Variants in ARID4B observed in about 807,000 individuals in gnomAD.
ARID4B encodes the protein AT-rich interactive domain-containing protein 4B.
A neutral mutation model predicts 147.5 loss-of-function variants in ARID4B; 26 were observed. The ratio of observed to expected loss-of-function variants is 0.18; its 90% CI spans 0.13 to 0.24. The LOEUF (loss-of-function observed/expected upper bound fraction) is 0.24. Among genes scored for constraint, ARID4B ranks in the 10% least tolerant of loss-of-function variants. The pLI is 1.00. For synonymous variants in ARID4B, 512 were observed against 507.9 expected (o/e 1.01, Z -0.11); for missense variants, 1,179 against 1,511.5 (o/e 0.78, Z 3.65).
intron 2 of ARID4B, among the ~76,000 whole-genome samples, chr1:235,276,288 G>C (rs753837170): frequency 6.7e-6 from 1 of 150,170 alleles, no homozygotes; most frequent in Non-Finnish European, 1.5e-5. Context: ...ACGCTAATTA[G>C]TAGCATTAGC....
chr1:235,283,630 A>G (rs1671797631), intron 2 of ARID4B, among the ~76,000 whole-genome samples: 1 of 152,118 alleles, frequency 6.6e-6, no homozygotes, highest in South Asian at 2.1e-4. Context: ...ATTAAGTACT[A>G]TTATTTAACA....
At chr1:235,315,797 C>G (rs1473542609) in intron 2 of ARID4B, among the ~76,000 whole-genome samples, 1 of 152,168 alleles carries the variant, frequency 6.6e-6, no homozygotes, top group African/African-American at 2.4e-5. Context: ...AGATACTATT[C>G]TTGCCTTAGA....
chr1:235,197,172 A>G (rs1039243214), intron 17 of ARID4B, among the ~76,000 whole-genome samples: 9 of 152,216 alleles, frequency 5.9e-5, no homozygotes, highest in South Asian at 2.1e-4. Flanking sequence ...TTCAAGAATT[A>G]TAACAGCTAG....
intron 2 of ARID4B, among the ~76,000 whole-genome samples, chr1:235,283,740 TTTA>T (rs1259929140): frequency 1.3e-5 from 2 of 152,156 alleles, no homozygotes; most frequent in East Asian, 3.9e-4. Context: ...TATTTACTTA[TTTA>T]TTGAGACAGT....
intron 8 of ARID4B, among the ~76,000 whole-genome samples, chr1:235,235,820 C>T (rs1485924215): frequency 6.6e-6 from 1 of 152,008 alleles, no homozygotes; most frequent in African/African-American, 2.4e-5. Flanking sequence ...GAGTAAGTCT[C>T]AATTAGGATT....
intron 16 of ARID4B, among the ~76,000 whole-genome samples, chr1:235,217,763 C>A (rs1667194582): frequency 6.6e-6 from 1 of 152,020 alleles, no homozygotes; most frequent in Non-Finnish European, 1.5e-5. Context: ...GTTTATATGC[C>A]AGAAAAATAC....
At chr1:235,168,801 G>C in intron 23 of ARID4B, 149 bp from the exon 24 acceptor site, 1 of 848,390 alleles carries the variant, frequency 1.2e-6, no homozygotes, top group Non-Finnish European at 1.8e-6. Flanking sequence ...ACAGTTCTAC[G>C]ATGTGAAGAA....
rs1668033930 is a variant in ARID4B at position 235,229,035 on chromosome 1, T to C, written c.897+196A>G. The C allele has an allele frequency of 4.9e-6, 3 of 609,858 alleles. No homozygotes were observed. The South Asian group carries it at 7.9e-5, about 16-fold the overall frequency. The allele number at this position is 609,858 out of a possible 1,614,324, so 37.8% of individuals were successfully genotyped here. A position where few individuals can be genotyped will look rare whatever the true frequency, so the allele number is the denominator to read the frequency against. On this transcript the variant is annotated intron_variant, in intron 11 of 23. Coordinates refer to ENST00000264183, the MANE Select transcript of ARID4B (RefSeq NM_016374.6). ...TTATTAGGAAAATCAGGCTTAATAT[T>C]TTCTATTTCACAAGATCATATATCT...
At chr1:235,202,917 C>T (rs772736984) in intron 17 of ARID4B, among the ~76,000 whole-genome samples, 1 of 152,156 alleles carries the variant, frequency 6.6e-6, no homozygotes, top group Non-Finnish European at 1.5e-5. Context: ...ATTTGACAAA[C>T]ACCTCTAAGG....
At chr1:235,186,057 C>A (rs1415716507) in intron 19 of ARID4B, among the ~76,000 whole-genome samples, 2 of 151,718 alleles carry the variant, frequency 1.3e-5, no homozygotes, top group Non-Finnish European at 2.9e-5. Flanking sequence ...GCAACCTCCA[C>A]CTCCCAGGTT....
intron 6 of ARID4B, among the ~76,000 whole-genome samples, chr1:235,251,625 A>G (rs1669651507): frequency 6.6e-6 from 1 of 152,094 alleles, no homozygotes. Context: ...GTGTTTAAGT[A>G]ATAACACTAC....
At position 235,220,533 on chromosome 1, in the gene ARID4B, A is replaced by G. The variant is rs972688354; in HGVS notation, c.1176T>C (p.Gly392=). The stretch of plus-strand genomic sequence containing the variant: ...TGGCTGATCTACAGTACTCCTCAAA[A>G]CCATATAAGTATCTGGAAACATGAA... ...VKCAYKKYLY[G]FEEYCRSANI... The change falls in exon 15 of 24, where the codon GGT becomes GGC. Residue 392 remains glycine, a synonymous_variant. Coordinates refer to ENST00000264183, the MANE Select transcript of ARID4B (RefSeq NM_016374.6). 13 of 1,580,926 alleles carry G rather than the reference A, an allele frequency of 8.2e-6. No homozygotes were observed. Among genetic ancestry groups the G allele is most frequent in the Middle Eastern group, 3.4e-4 (2 of 5,892 alleles).
intron 2 of ARID4B, among the ~76,000 whole-genome samples, chr1:235,283,631 T>G (rs989864505): frequency 6.6e-6 from 1 of 152,158 alleles, no homozygotes; most frequent in Admixed American, 6.5e-5. Flanking sequence ...TTAAGTACTA[T>G]TATTTAACAT....
chr1:235,179,233 T>C (rs1395220302), intron 20 of ARID4B, among the ~76,000 whole-genome samples: 1 of 152,052 alleles, frequency 6.6e-6, no homozygotes, highest in Non-Finnish European at 1.5e-5. Flanking sequence ...GTGAAACAGG[T>C]GCTTAAGAAC....
intron 2 of ARID4B, among the ~76,000 whole-genome samples, chr1:235,305,287 G>A (rs1435978306): frequency 6.6e-6 from 1 of 152,180 alleles, no homozygotes; most frequent in Non-Finnish European, 1.5e-5. Context: ...CTCCCCTAGA[G>A]CCTGAAGAAG....
intron 6 of ARID4B, among the ~76,000 whole-genome samples, chr1:235,247,726 C>T (rs541181326): frequency 2.7e-4 from 41 of 152,236 alleles, no homozygotes; most frequent in African/African-American, 9.4e-4. Context: ...CAGTGACTCA[C>T]GCCTATAATC....
chr1:235,168,380 C>A lies in ARID4B; in HGVS notation c.*145G>T. 4.2e-6 allele frequency: 4 copies of A among 943,178 alleles called. No individual in the cohort carries two copies. The South Asian group carries it at 9.6e-5, about 23-fold the overall frequency. 58.4% of individuals were successfully genotyped at this position (943,178 alleles called of 1,614,324 possible). A position where few individuals can be genotyped will look rare whatever the true frequency, so the allele number is the denominator to read the frequency against. On this transcript the variant is annotated 3_prime_UTR_variant, in exon 24 of 24. Transcript: ENST00000264183. The stretch of plus-strand genomic sequence containing the variant: ...TACTTTTTCTTCATAAAAAAGTGCA[C>A]TTAAGTGCCAAGTCAGCTTGTCAAG...
At chr1:235,238,726 T>G (rs1022200640) in intron 8 of ARID4B, among the ~76,000 whole-genome samples, 3 of 152,140 alleles carry the variant, frequency 2.0e-5, no homozygotes. Context: ...TGTGGTGGTC[T>G]CCACCTGTAG....
chr1:235,209,485 A>C (rs1369343836), intron 17 of ARID4B, among the ~76,000 whole-genome samples: 2 of 152,088 alleles, frequency 1.3e-5, no homozygotes, highest in Non-Finnish European at 2.9e-5. Flanking sequence ...AACAAACAAC[A>C]AACAAACAAA....
Sources: allele counts gnomAD v4.1 joint callset (sites outside exome capture counted in the v4.1 genomes callset), GRCh38; gene constraint gnomAD v4.1.1; transcripts MANE v1.5; gene names NCBI Gene and HGNC (gene_info 2026-07-23, HGNC 2026-07-21).